The following PRKCH variants were observed in gnomAD, a reference collection of about 807,000 sequenced individuals.
The protein encoded by PRKCH is protein kinase C eta, also known as protein kinase C eta type.
A neutral mutation model predicts 82.5 loss-of-function variants in PRKCH; 28 were observed. That is an observed-to-expected ratio of 0.34 (90% confidence interval 0.25 to 0.47). The LOEUF (loss-of-function observed/expected upper bound fraction) is 0.47, where lower values mean the gene tolerates loss of function less well. PRKCH is among the 20% of genes least tolerant of loss of function. The probability of loss-of-function intolerance (pLI) is 1.00; values close to 1 mark genes in which losing one functional copy is unlikely to be tolerated. For synonymous variants in PRKCH, 322 were observed against 327.4 expected, an observed-to-expected ratio of 0.98 and a Z score of 0.18; for missense variants, 705 against 881.8, an observed-to-expected ratio of 0.80 and a Z score of 2.54.
At chr14:61,245,029 C>T (rs1043101513) in intron 1 of PRKCH, among the ~76,000 whole-genome samples, 1 of 152,154 alleles carries the variant, frequency 6.6e-6, no homozygotes, top group African/African-American at 2.4e-5. Flanking sequence ...GTTTCTTAAC[C>T]CTTGAAGACT....
intron 1 of PRKCH, among the ~76,000 whole-genome samples, chr14:61,339,803 C>G (rs920922363): frequency 4.0e-5 from 6 of 151,222 alleles, no homozygotes; most frequent in Admixed American, 2.0e-4. Context: ...ACCCCAGCCT[C>G]CTGAGCAGCT....
rs552407573 is a variant in PRKCH at position 61,270,158 on chromosome 14, C to A, written c.-19+82490C>A. ...TTTCTACTTAGATTGCATGGCCTCC[C>A]GCTTTCTGCTCTGATGAAAGACACT... On this transcript the variant is annotated intron_variant, in intron 1 of 3. Transcript: ENST00000555185. Among the ~76,000 whole-genome samples, 95 of 152,272 alleles carry A rather than the reference C, an allele frequency of 6.2e-4. 1 individual carries two copies. The highest frequency in any genetic ancestry group is 1.1e-3 in the Non-Finnish European group (76 of 68,020).
At chr14:61,502,213 G>A (rs1427086186) in intron 10 of PRKCH, among the ~76,000 whole-genome samples, 2 of 151,726 alleles carry the variant, frequency 1.3e-5, no homozygotes, top group African/African-American at 2.4e-5. Context: ...TATAGCACAT[G>A]CCACCACACC....
chr14:61,352,772 A>C (rs1295497580), intron 1 of PRKCH, among the ~76,000 whole-genome samples: 2 of 152,208 alleles, frequency 1.3e-5, no homozygotes, highest in Non-Finnish European at 2.9e-5. Flanking sequence ...GAGTGAAAAA[A>C]TATACTAACA....
chr14:61,194,576 A>G (rs958209370), intron 1 of PRKCH, among the ~76,000 whole-genome samples: 9 of 152,162 alleles, frequency 5.9e-5, no homozygotes, highest in Non-Finnish European at 1.2e-4. Flanking sequence ...TGAGAAATAA[A>G]TTTTTATTGT....
intron 10 of PRKCH, among the ~76,000 whole-genome samples, chr14:61,524,661 G>T (rs895070858): frequency 6.6e-6 from 1 of 152,188 alleles, no homozygotes; most frequent in African/African-American, 2.4e-5. Flanking sequence ...TCCCTTTAGA[G>T]TGGAAGCTGA....
At chr14:61,494,610 C>A (rs552313926) in intron 10 of PRKCH, among the ~76,000 whole-genome samples, 1 of 152,316 alleles carries the variant, frequency 6.6e-6, no homozygotes, top group East Asian at 1.9e-4. Context: ...AAACTCAAAT[C>A]AGATGGAAGT....
At chr14:61,321,061 A>G (rs1054879983), upstream of PRKCH, among the ~76,000 whole-genome samples, 1 of 152,186 alleles carries the variant, frequency 6.6e-6, no homozygotes, top group East Asian at 1.9e-4. This position sits in a 1 kb window ranked among gnomAD's most constrained non-coding sequence, Gnocchi z 4.1. Context: ...ACATACACAC[A>G]ACTGTGTAAT....
chr14:61,220,067 C>T (rs1315738741), intron 1 of PRKCH, among the ~76,000 whole-genome samples: 1 of 152,176 alleles, frequency 6.6e-6, no homozygotes, highest in East Asian at 1.9e-4. Flanking sequence ...ATGGGAGACG[C>T]TGCCACAGTA....
intron 1 of PRKCH, among the ~76,000 whole-genome samples, chr14:61,223,474 G>A (rs2044671031): frequency 6.6e-6 from 1 of 152,124 alleles, no homozygotes; most frequent in Non-Finnish European, 1.5e-5. Context: ...AATTTCCACT[G>A]CCTGCAACCC....
chr14:61,231,520 G>A (rs564762486), intron 1 of PRKCH, among the ~76,000 whole-genome samples: 4 of 151,904 alleles, frequency 2.6e-5, no homozygotes, highest in Non-Finnish European at 4.4e-5. Flanking sequence ...CCGCCACCAC[G>A]CCTGGCTAAT....
At chr14:61,366,692 G>A (rs2140167678) in intron 1 of PRKCH, among the ~76,000 whole-genome samples, 1 of 152,226 alleles carries the variant, frequency 6.6e-6, no homozygotes, top group South Asian at 2.1e-4. Flanking sequence ...GAAGCTTGTA[G>A]CCAGCCCTGT....
chr14:61,484,562 C>T (rs955370121), intron 9 of PRKCH, among the ~76,000 whole-genome samples: 1 of 152,044 alleles, frequency 6.6e-6, no homozygotes, highest in African/African-American at 2.4e-5. Flanking sequence ...ATTTCCATAG[C>T]ACTTTATTCA....
intron 1 of PRKCH, among the ~76,000 whole-genome samples, chr14:61,227,349 C>T (rs1247031168): frequency 6.6e-6 from 1 of 152,208 alleles, no homozygotes; most frequent in Non-Finnish European, 1.5e-5. Context: ...AATCCCAGCC[C>T]TTTGGGAGGC....
chr14:61,208,886 G>A (rs961268790), intron 1 of PRKCH, among the ~76,000 whole-genome samples: 2 of 152,102 alleles, frequency 1.3e-5, no homozygotes, highest in African/African-American at 4.8e-5. Context: ...TGGCCTTTGG[G>A]GGATAATTAG....
intron 1 of PRKCH, among the ~76,000 whole-genome samples, chr14:61,257,837 C>T (rs1157243792): frequency 1.3e-5 from 2 of 152,154 alleles, no homozygotes; most frequent in Admixed American, 1.3e-4. Flanking sequence ...CTAGAACGAG[C>T]ACTCTTCACT....
intron 1 of PRKCH, among the ~76,000 whole-genome samples, chr14:61,329,770 T>C (rs2045757453): frequency 6.6e-6 from 1 of 152,184 alleles, no homozygotes; most frequent in African/African-American, 2.4e-5. Flanking sequence ...CCTCCTAGTG[T>C]TCCCTCAGTA....
intron 10 of PRKCH, among the ~76,000 whole-genome samples, chr14:61,494,612 G>T (rs1010911733): frequency 2.0e-5 from 3 of 152,212 alleles, no homozygotes; most frequent in African/African-American, 7.2e-5. Flanking sequence ...ACTCAAATCA[G>T]ATGGAAGTGG....
intron 1 of PRKCH, chr14:61,327,128 A>ACATTGTGTT: frequency 2.2e-6 from 1 of 456,034 alleles, no homozygotes; most frequent in East Asian, 6.9e-5. Flanking sequence ...CCTCCCGAAG[A>ACATTGTGTT]CATTGTGTTC....
Sources: gnomAD v4.1 joint callset for allele counts (sites outside exome capture counted in the v4.1 genomes callset) on GRCh38, gnomAD v4.1.1 for gene constraint, Gnocchi (gnomAD v3.1) non-coding constraint, MANE v1.5 for transcripts, NCBI Gene and HGNC (gene_info 2026-07-23, HGNC 2026-07-21) for gene names.